Variants in KCNQ5 observed in about 807,000 individuals in gnomAD.
KCNQ5 encodes potassium voltage-gated channel subfamily KQT member 5.
KCNQ5 carries 30 observed loss-of-function variants against 98.2 expected under a neutral mutation model. That is an observed-to-expected ratio of 0.31 (90% CI 0.23 to 0.41). The LOEUF (loss-of-function observed/expected upper bound fraction) is 0.41, where lower values mean the gene tolerates loss of function less well. Ranked by LOEUF, KCNQ5 falls within the 10% of genes least tolerant of loss-of-function variation. The pLI, the probability that KCNQ5 is intolerant of heterozygous loss-of-function variation, is 1.00. For synonymous variants in KCNQ5, 458 were observed against 449.4 expected, an observed-to-expected ratio of 1.02 and a Z score of -0.24; for missense variants, 835 against 1,182.5, an observed-to-expected ratio of 0.71 and a Z score of 4.31.
chr6:72,771,926 A>G (rs1772913821), intron 1 of KCNQ5, among the ~76,000 whole-genome samples: 1 of 152,108 alleles, frequency 6.6e-6, no homozygotes, highest in Non-Finnish European at 1.5e-5. Context: ...GTGAAGCCCT[A>G]GACTATTATA....
chr6:73,017,316 G>A (rs1253685747), intron 2 of KCNQ5, among the ~76,000 whole-genome samples: 2 of 151,978 alleles, frequency 1.3e-5, no homozygotes. Context: ...TCCCACTTTA[G>A]GACATATCCA....
intron 1 of KCNQ5, among the ~76,000 whole-genome samples, chr6:72,895,882 G>T (rs1285719956): frequency 6.6e-6 from 1 of 151,928 alleles, no homozygotes; most frequent in Non-Finnish European, 1.5e-5. Context: ...GAAAGGCTTT[G>T]TGTCTATTCC....
chr6:72,630,976 A>G (rs1316253838), intron 1 of KCNQ5, among the ~76,000 whole-genome samples: 1 of 152,222 alleles, frequency 6.6e-6, no homozygotes, highest in Non-Finnish European at 1.5e-5. Flanking sequence ...GTTCCAACTT[A>G]AGCAAGAGAT....
intron 2 of KCNQ5, among the ~76,000 whole-genome samples, chr6:73,038,353 T>G (rs998664769): frequency 2.6e-5 from 4 of 151,864 alleles, no homozygotes; most frequent in Non-Finnish European, 4.4e-5. Context: ...ACTGCATGTT[T>G]TTTTTTTCTT....
intron 1 of KCNQ5, among the ~76,000 whole-genome samples, chr6:72,789,375 G>A (rs1437960771): frequency 1.3e-5 from 2 of 152,278 alleles, no homozygotes; most frequent in African/African-American, 2.4e-5. Flanking sequence ...GAGGTGAAAC[G>A]ATTGGCTCAA....
At chr6:72,755,274 G>T (rs990057595) in intron 1 of KCNQ5, among the ~76,000 whole-genome samples, 3 of 151,922 alleles carry the variant, frequency 2.0e-5, no homozygotes, top group Admixed American at 1.3e-4. Context: ...TATTTATAGA[G>T]TTGGGACTTC....
intron 9 of KCNQ5, among the ~76,000 whole-genome samples, chr6:73,124,820 A>T (rs956915811): frequency 2.6e-5 from 4 of 151,522 alleles, no homozygotes; most frequent in Non-Finnish European, 4.4e-5. Flanking sequence ...GTCTTATCAA[A>T]GTATTCAAAT....
At chr6:72,778,454 G>A (rs866813893) in intron 1 of KCNQ5, among the ~76,000 whole-genome samples, 10 of 151,662 alleles carry the variant, frequency 6.6e-5, no homozygotes, top group Middle Eastern at 6.9e-3. Context: ...GGTGGGGGTC[G>A]CTTGACCCCC....
At chr6:72,701,260 G>A (rs1035649886) in intron 1 of KCNQ5, among the ~76,000 whole-genome samples, 3 of 152,164 alleles carry the variant, frequency 2.0e-5, no homozygotes, top group Admixed American at 6.5e-5. Context: ...TTGTTTTACT[G>A]TAGTTGTGCA....
intron 1 of KCNQ5, among the ~76,000 whole-genome samples, chr6:72,771,598 T>G (rs1356701765): frequency 6.6e-6 from 1 of 151,752 alleles, no homozygotes; most frequent in Non-Finnish European, 1.5e-5. Context: ...CAATAAAGGG[T>G]AACTATGTGA....
intron 1 of KCNQ5, among the ~76,000 whole-genome samples, chr6:72,786,664 G>A (rs191118643): frequency 3.5e-4 from 53 of 152,144 alleles, no homozygotes; most frequent in African/African-American, 1.2e-3. Context: ...TATTTACTTC[G>A]CAATACTGGC....
chr6:72,753,086 A>T (rs1256862603), intron 1 of KCNQ5, among the ~76,000 whole-genome samples: 1 of 152,092 alleles, frequency 6.6e-6, no homozygotes, highest in Non-Finnish European at 1.5e-5. Flanking sequence ...TGCTTCCATA[A>T]CCCCCAAAAT....
intron 2 of KCNQ5, among the ~76,000 whole-genome samples, 190 bp from the exon 3 acceptor site, chr6:73,041,746 G>A (rs1771711921): frequency 6.6e-6 from 1 of 152,140 alleles, no homozygotes; most frequent in African/African-American, 2.4e-5. Flanking sequence ...GATAGGAAAT[G>A]CAGACAGTAT....
At chr6:72,668,580 G>GATTC (rs1465418710) in intron 1 of KCNQ5, among the ~76,000 whole-genome samples, 3 of 152,026 alleles carry the variant, frequency 2.0e-5, no homozygotes, top group Non-Finnish European at 2.9e-5. Flanking sequence ...TACTCCAGGT[G>GATTC]ATTCATTAGT....
chr6:73,182,471 G>A (rs147164500), intron 11 of KCNQ5, among the ~76,000 whole-genome samples: 153 of 152,224 alleles, frequency 1.0e-3, no homozygotes, highest in African/African-American at 3.5e-3. Flanking sequence ...CATGAAACCA[G>A]GTTTCACTCT....
chr6:72,899,806 A>C, intron 1 of KCNQ5, among the ~76,000 whole-genome samples: 1 of 147,970 alleles, frequency 6.8e-6, no homozygotes, highest in Non-Finnish European at 1.5e-5. Context: ...CCCCCTTCCC[A>C]CCCTTCACCC....
intron 11 of KCNQ5, among the ~76,000 whole-genome samples, chr6:73,177,753 A>G (rs1168201260): frequency 2.3e-4 from 35 of 152,244 alleles, no homozygotes; most frequent in Admixed American, 2.3e-3. Flanking sequence ...TTGACAGCCA[A>G]TCTATGACAT....
chr6:72,710,371 T>C (rs917439239), intron 1 of KCNQ5, among the ~76,000 whole-genome samples: 2 of 152,126 alleles, frequency 1.3e-5, no homozygotes, highest in Admixed American at 6.6e-5. Flanking sequence ...TCAAAAGGCA[T>C]AGAGTGGATG....
chr6:72,632,201 G>A (rs1477218587), intron 1 of KCNQ5, among the ~76,000 whole-genome samples: 2 of 145,936 alleles, frequency 1.4e-5, no homozygotes, highest in Non-Finnish European at 3.0e-5. Flanking sequence ...TCGGTGGCGC[G>A]ATCCCCGCTC....
Sources: allele counts gnomAD v4.1 joint callset (sites outside exome capture counted in the v4.1 genomes callset), GRCh38; gene constraint gnomAD v4.1.1; transcripts MANE v1.5; gene names NCBI Gene and HGNC (gene_info 2026-07-23, HGNC 2026-07-21).